The following COLEC12 variants were observed in gnomAD, a reference collection of about 807,000 sequenced individuals.
COLEC12 encodes collectin-12.
In COLEC12, 33 loss-of-function variants were observed where a neutral mutation model predicts 71.1. The observed-to-expected ratio is 0.46, with a 90% CI of 0.35 to 0.62. The LOEUF (loss-of-function observed/expected upper bound fraction) is 0.62. COLEC12 is among the 20% of genes least tolerant of loss of function. COLEC12 has a pLI of 0.00. For synonymous variants in COLEC12, 350 were observed against 353.0 expected (o/e 0.99, Z 0.10); for missense variants, 765 against 916.1 (o/e 0.84, Z 2.13).
At chr18:357,277 T>G in intron 3 of COLEC12, 123 bp downstream of exon 3, 2 of 873,648 alleles carry the variant, frequency 2.3e-6, no homozygotes, top group Non-Finnish European at 3.5e-6. Flanking sequence ...GTTTATCATG[T>G]TGTTATTTTG....
intron 6 of COLEC12, chr18:333,605 T>C (rs943703038): frequency 1.3e-5 from 2 of 152,958 alleles, no homozygotes; most frequent in South Asian, 2.1e-4. Flanking sequence ...GAGAGAAAAA[T>C]AGGCTTGGTT....
chr18:376,738 T>C (rs929298330), intron 2 of COLEC12, among the ~76,000 whole-genome samples: 1 of 152,332 alleles, frequency 6.6e-6, no homozygotes, highest in East Asian at 1.9e-4. Context: ...TTTTATTAGC[T>C]GCTTAACCCA....
At chr18:398,151 A>G (rs531700667) in intron 2 of COLEC12, among the ~76,000 whole-genome samples, 175 of 152,342 alleles carry the variant, frequency 1.1e-3, no homozygotes, top group African/African-American at 4.0e-3. Flanking sequence ...AAACTATGAG[A>G]AACTGGAGAA....
intron 1 of COLEC12, among the ~76,000 whole-genome samples, chr18:490,606 A>G (rs1917603111): frequency 6.6e-6 from 1 of 152,202 alleles, no homozygotes. Context: ...AAGCAAAATA[A>G]GATTATATGA....
chr18:483,256 C>T (rs959096015), intron 1 of COLEC12, among the ~76,000 whole-genome samples: 7 of 151,854 alleles, frequency 4.6e-5, no homozygotes, highest in African/African-American at 1.2e-4. Context: ...AAAAATTAGC[C>T]GGGCGTGGTG....
chr18:438,140 T>G (rs910778688), intron 2 of COLEC12, among the ~76,000 whole-genome samples: 2 of 152,182 alleles, frequency 1.3e-5, no homozygotes, highest in Non-Finnish European at 2.9e-5. Context: ...AAAAAGGAAT[T>G]AATTTGGTCA....
In COLEC12 at chr18:488,119, A is replaced by G. The variant is rs115879535; in HGVS notation, c.8-7362T>C. On this transcript the variant is annotated intron_variant, in intron 1 of 9. Coordinates refer to ENST00000400256, the MANE Select transcript of COLEC12 (RefSeq NM_130386.3). ...AGGATGCTATAAAAAAGCAACCACC[A>G]GAGAAAAAGGGCTGGGCACGGTGGC... Among the ~76,000 whole-genome samples, 881 of 152,352 alleles carry G rather than the reference A, an allele frequency of 5.8e-3. 10 individuals are homozygous for G. The highest frequency in any genetic ancestry group is 0.019 in the African/African-American group (796 of 41,590).
At chr18:362,000 C>G (rs992771037) in intron 2 of COLEC12, among the ~76,000 whole-genome samples, 6 of 152,148 alleles carry the variant, frequency 3.9e-5, no homozygotes, top group African/African-American at 1.4e-4. Context: ...GTGCAGAGGT[C>G]AAGCGTCATT....
In COLEC12 at chr18:338,984, ATTT is replaced by A. The variant is rs33991062; in HGVS notation, c.1328-3757_1328-3755del. Among the ~76,000 whole-genome samples, 279 of 144,554 alleles carry A rather than the reference ATTT, an allele frequency of 1.9e-3. 1 individual carries two copies. The highest frequency in any genetic ancestry group is 6.4e-3 in the African/African-American group (246 of 38,584). 94.8% of individuals were successfully genotyped at this position (144,554 alleles called of 152,430 possible). A position where few individuals can be genotyped will look rare whatever the true frequency, so the allele number is the denominator to read the frequency against. ...AATAATCTTTAGCCTTATTGTCTTA[ATTT>A]TTTTTTTTTTTTTTTTTGCTGATAA... On this transcript the variant is annotated intron_variant, in intron 5 of 9. Transcript: ENST00000400256.
chr18:397,741 T>C (rs1015350024), intron 2 of COLEC12, among the ~76,000 whole-genome samples: 4 of 152,224 alleles, frequency 2.6e-5, no homozygotes, highest in African/African-American at 9.7e-5. Context: ...AATACCTCAC[T>C]GATAAGTCCA....
intron 3 of COLEC12, among the ~76,000 whole-genome samples, chr18:348,796 T>G (rs1175009091): frequency 1.3e-5 from 2 of 152,234 alleles, no homozygotes; most frequent in African/African-American, 4.8e-5. Context: ...TTCCAAACAA[T>G]GATTTGCCAA....
intron 2 of COLEC12, among the ~76,000 whole-genome samples, chr18:448,656 G>C (rs2143708619): frequency 6.6e-6 from 1 of 152,246 alleles, no homozygotes; most frequent in East Asian, 1.9e-4. Flanking sequence ...AAAATGAGAA[G>C]TCTGTGAGGC....
chr18:371,397 T>G (rs1914995943), intron 2 of COLEC12, among the ~76,000 whole-genome samples: 1 of 152,122 alleles, frequency 6.6e-6, no homozygotes, highest in African/African-American at 2.4e-5. Context: ...GATCCATCTG[T>G]TTCTACTCCT....
At chr18:382,698 G>A (rs960342606) in intron 2 of COLEC12, among the ~76,000 whole-genome samples, 1 of 152,220 alleles carries the variant, frequency 6.6e-6, no homozygotes, top group Non-Finnish European at 1.5e-5. Context: ...ATGAAATTAT[G>A]CATTTACAGT....
chr18:376,867 G>A (rs923279344), intron 2 of COLEC12, among the ~76,000 whole-genome samples: 2 of 152,214 alleles, frequency 1.3e-5, no homozygotes, highest in Non-Finnish European at 2.9e-5. Context: ...TAGATGGCTA[G>A]AGGCTTGAGT....
chr18:433,580 A>G (rs947332074), intron 2 of COLEC12, among the ~76,000 whole-genome samples: 2 of 152,164 alleles, frequency 1.3e-5, no homozygotes, highest in African/African-American at 2.4e-5. Flanking sequence ...CCAAAAGCCA[A>G]TCAGCTCCAG....
intron 2 of COLEC12, among the ~76,000 whole-genome samples, chr18:432,198 TAACA>T (rs1292915211): frequency 6.6e-6 from 1 of 152,230 alleles, no homozygotes; most frequent in Non-Finnish European, 1.5e-5. Context: ...ATTCATTAAC[TAACA>T]AACATTTATT....
chr18:385,945 C>A (rs1482660114), intron 2 of COLEC12, among the ~76,000 whole-genome samples: 1 of 152,150 alleles, frequency 6.6e-6, no homozygotes, highest in Non-Finnish European at 1.5e-5. Flanking sequence ...AAAATAAAAT[C>A]TTTGGGAGAG....
rs750635929 is a variant in COLEC12 at position 334,817 on chromosome 18, CG to C, written c.1740del (p.Gly581AlafsTer65). ...VPGMPGPKGP[P>X]GPPGPSGAVV... is the part of the protein sequence containing the mutation. Reference sequence around the variant, plus strand: ...ACCGCTCCTGATGGGCCAGGAGGGCCGGGGGGGCCCTTGGGGCCTGGCATGC... The same window carrying C: ...ACCGCTCCTGATGGGCCAGGAGGGCCGGGGGGCCCTTGGGGCCTGGCATGC... On this transcript the variant is annotated frameshift_variant, in exon 6 of 10. Coordinates refer to ENST00000400256, the MANE Select transcript of COLEC12 (RefSeq NM_130386.3). LOFTEE classifies it high-confidence loss of function. 28 of 1,518,940 alleles carry C rather than the reference CG, an allele frequency of 1.8e-5. No homozygotes were observed. Among genetic ancestry groups the C allele is most frequent in the South Asian group, 9.0e-5 (7 of 78,126 alleles). 94.1% of individuals were successfully genotyped at this position (1,518,940 alleles called of 1,614,324 possible). A position where few individuals can be genotyped will look rare whatever the true frequency, so the allele number is the denominator to read the frequency against.
Sources: gnomAD v4.1 joint callset for allele counts (sites outside exome capture counted in the v4.1 genomes callset) on GRCh38, gnomAD v4.1.1 for gene constraint, MANE v1.5 for transcripts, NCBI Gene and HGNC (gene_info 2026-07-23, HGNC 2026-07-21) for gene names.